The following MCF2 variants were observed in gnomAD, a reference collection of about 807,000 sequenced individuals.
MCF2 encodes proto-oncogene DBL.
In MCF2, 44 loss-of-function variants were observed where a neutral mutation model predicts 82.5. The observed-to-expected ratio is 0.53, with a 90% CI of 0.42 to 0.69. MCF2 has a LOEUF of 0.69. Among genes scored for constraint, MCF2 ranks in the 30% least tolerant of loss-of-function variants. The pLI is 0.00. For synonymous variants in MCF2, 217 were observed against 224.9 expected (o/e 0.96, Z 0.32); for missense variants, 623 against 663.1 (o/e 0.94, Z 0.66).
At chrX:139,665,907 A>ATATG (rs1569392536) in intron 1 of MCF2, among the ~76,000 whole-genome samples, 1 of 78,750 alleles carries the variant, frequency 1.3e-5, no homozygotes, top group Non-Finnish European at 2.2e-5. Flanking sequence ...GTATATATAT[A>ATATG]TATATATATA....
intron 1 of MCF2, among the ~76,000 whole-genome samples, chrX:139,667,898 G>A (rs1308325553): frequency 8.9e-6 from 1 of 112,148 alleles, no homozygotes; most frequent in Non-Finnish European, 1.9e-5. Flanking sequence ...GCTCATGCCT[G>A]TAATGCTAGT....
chrX:139,629,385 C>T (rs1432268039), intron 4 of MCF2, among the ~76,000 whole-genome samples: 1 of 111,769 alleles, frequency 8.9e-6, no homozygotes, highest in African/African-American at 3.2e-5. Flanking sequence ...CATCATTGAT[C>T]ACAACAACCT....
rs141257942 is a variant in MCF2 at position 139,601,079 on chromosome X, A to G, written c.1836+1327T>C. 8.9e-3 allele frequency among the ~76,000 whole-genome samples: 992 copies of G among 111,503 alleles called. 16 individuals carry two copies. The highest frequency in any genetic ancestry group is 0.03 in the African/African-American group (931 of 30,790). On this transcript the variant is annotated intron_variant, in intron 16 of 24. Transcript: ENST00000370576. Reference sequence around the variant, plus strand: ...CACAATGGCAGAAATGGAAACCTCAATGGAAGAACTAGAAAGTAGAGTAAT... The same window carrying G: ...CACAATGGCAGAAATGGAAACCTCAGTGGAAGAACTAGAAAGTAGAGTAAT...
intron 1 of MCF2, among the ~76,000 whole-genome samples, chrX:139,679,035 A>C (rs1934939829): frequency 8.9e-6 from 1 of 112,480 alleles, no homozygotes; most frequent in Non-Finnish European, 1.9e-5. Flanking sequence ...TGACACAAAC[A>C]ATCTAAAATG....
chrX:139,605,845 T>A (rs762923811), intron 12 of MCF2, 66 bp from the exon 17 acceptor site: 31 of 854,960 alleles, frequency 3.6e-5, no homozygotes, highest in South Asian at 2.4e-4. Flanking sequence ...ATGTTTCAAG[T>A]ATTATCATCA....
intron 12 of MCF2, chrX:139,607,209 T>A (rs79105450): frequency 1.8e-5 from 2 of 111,235 alleles, no homozygotes; most frequent in African/African-American, 6.5e-5. Context: ...GATATGGTAA[T>A]CATTTCACAA....
intron 1 of MCF2, among the ~76,000 whole-genome samples, chrX:139,672,746 T>C (rs1934739188): frequency 8.9e-6 from 1 of 112,294 alleles, no homozygotes; most frequent in African/African-American, 3.2e-5. Context: ...TTCACATCGA[T>C]ATTCATCAGG....
chrX:139,641,167 A>AATAT (rs200470729), intron 1 of MCF2, among the ~76,000 whole-genome samples: 10 of 105,550 alleles, frequency 9.5e-5, no homozygotes, highest in South Asian at 3.9e-4. Flanking sequence ...CAGCACTGAG[A>AATAT]ATATATATAT....
chrX:139,690,014 A>G (rs191446538), intron 1 of MCF2, among the ~76,000 whole-genome samples: 13 of 112,634 alleles, frequency 1.2e-4, no homozygotes, highest in African/African-American at 4.2e-4. Context: ...AATCCATTTT[A>G]CATTTAAAAT....
chrX:139,587,841 C>T lies in MCF2; in HGVS notation c.2450-53G>A, dbSNP rs748070717. On this transcript the variant is annotated intron_variant, in intron 21 of 24. Transcript: ENST00000370576. ...ATTCAGAAGTCACACTTCTTACTTCCTTGAAGGCCAATGACTTTCTCTCTC... is the reference window on the plus strand; with the variant it reads ...ATTCAGAAGTCACACTTCTTACTTCTTTGAAGGCCAATGACTTTCTCTCTC... 1.2e-4 allele frequency: 87 copies of T among 732,862 alleles called. No homozygotes were observed. In the South Asian group the frequency reaches 2.0e-3, roughly 16 times the overall value. 60.4% of individuals were successfully genotyped at this position (732,862 alleles called of 1,213,427 possible). A position where few individuals can be genotyped will look rare whatever the true frequency, so the allele number is the denominator to read the frequency against.
intron 21 of MCF2, among the ~76,000 whole-genome samples, chrX:139,588,049 C>A (rs184470957): frequency 4.5e-5 from 5 of 111,376 alleles, no homozygotes; most frequent in African/African-American, 1.3e-4. Context: ...CATTATAGAG[C>A]AATGATTACT....
At chrX:139,595,868 C>T (rs2148412811) in intron 19 of MCF2, among the ~76,000 whole-genome samples, 1 of 111,629 alleles carries the variant, frequency 9.0e-6, no homozygotes, top group South Asian at 3.8e-4. Flanking sequence ...GAGAAACCAG[C>T]TGTAAGTATC....
chrX:139,617,703 T>A, exon 8 of MCF2: 1 of 1,140,893 alleles, frequency 8.8e-7, no homozygotes, highest in Non-Finnish European at 1.2e-6. Flanking sequence ...TGATAATAGC[T>A]CCTGATTATA....
At chrX:139,600,419 G>A (rs1843513274) in intron 16 of MCF2, among the ~76,000 whole-genome samples, 1 of 111,331 alleles carries the variant, frequency 9.0e-6, no homozygotes, top group South Asian at 3.8e-4. Context: ...TCCTTTGGCA[G>A]AAAAATGGAT....
chrX:139,674,622 A>C (rs955733041), intron 1 of MCF2, among the ~76,000 whole-genome samples: 10 of 111,362 alleles, frequency 9.0e-5, no homozygotes, highest in African/African-American at 2.0e-4. Flanking sequence ...CTTGAAAATT[A>C]TTTTCTTTAA....
upstream of MCF2, chrX:139,645,761 T>C (rs1439870537): frequency 6.2e-6 from 3 of 480,235 alleles, no homozygotes; most frequent in Non-Finnish European, 1.1e-5. Flanking sequence ...TTTGATGTCT[T>C]GACTGAAGAC....
In MCF2 at chrX:139,696,694, A is replaced by G. The variant is rs762164933; in HGVS notation, c.-45+11412T>C. On this transcript the variant is annotated intron_variant, in intron 1 of 27. Coordinates refer to the MCF2 transcript ENST00000414978. The stretch of plus-strand genomic sequence containing the variant: ...TCTGCCCACCGTGGCCTGGAATATT[A>G]TTTCATTATAGTAAATTAGGCATAG... Among the ~76,000 whole-genome samples, 3 of 111,439 alleles carry G rather than the reference A, an allele frequency of 2.7e-5. No homozygotes were observed. In the South Asian group the frequency reaches 1.1e-3, roughly 43 times the overall value.
chrX:139,652,400 G>C (rs2042374410), intron 1 of MCF2, among the ~76,000 whole-genome samples: 1 of 111,246 alleles, frequency 9.0e-6, no homozygotes, highest in Non-Finnish European at 1.9e-5. Context: ...TGGGCATAAT[G>C]ATATCTACCT....
rs1004440442 is a variant in MCF2, at chrX:139,651,860, T to C, written c.-44-72A>G. On this transcript the variant is annotated intron_variant, in intron 1 of 27. Coordinates refer to the MCF2 transcript ENST00000414978. ...GCCTTACATGATTTTAGACACATGA[T>C]TTCTCACTGTGTCTAAAATTATTCT... is the stretch of plus-strand genomic sequence containing the variant. 5 of 613,820 alleles carry C rather than the reference T, an allele frequency of 8.1e-6. No individual in the cohort carries two copies. In the Admixed American group the frequency reaches 1.5e-4, roughly 19 times the overall value. The allele number at this position is 613,820 out of a possible 1,213,427, so 50.6% of individuals were successfully genotyped here. A position where few individuals can be genotyped will look rare whatever the true frequency, so the allele number is the denominator to read the frequency against.
Sources: allele counts gnomAD v4.1 joint callset (sites outside exome capture counted in the v4.1 genomes callset), GRCh38; gene constraint gnomAD v4.1.1; transcripts MANE v1.5; gene names NCBI Gene and HGNC (gene_info 2026-07-23, HGNC 2026-07-21).